CNTNAP2: variants seen among roughly 807,000 people sequenced by gnomAD.
The protein encoded by CNTNAP2 is contactin associated protein 2.
In CNTNAP2, 98 loss-of-function variants were observed where a neutral mutation model predicts 155.2. The observed-to-expected ratio is 0.63, with a 90% CI of 0.54 to 0.75. The LOEUF (loss-of-function observed/expected upper bound fraction) is 0.75. Among genes scored for constraint, CNTNAP2 ranks in the 30% least tolerant of loss-of-function variants. The probability of loss-of-function intolerance (pLI) is 0.00; values close to 1 mark genes in which losing one functional copy is unlikely to be tolerated. For missense variants in CNTNAP2, 1,727 were observed against 1,688.1 expected (o/e 1.02, Z -0.40); for synonymous variants, 651 against 631.2 (o/e 1.03, Z -0.47).
chr7:147,807,746 C>G (rs954389718), intron 13 of CNTNAP2, among the ~76,000 whole-genome samples: 6 of 152,116 alleles, frequency 3.9e-5, no homozygotes, highest in African/African-American at 1.4e-4. Context: ...GGGAATAGAT[C>G]AGGTTTTCTA....
chr7:147,633,753 C>T (rs1795129540), intron 12 of CNTNAP2, among the ~76,000 whole-genome samples: 1 of 152,128 alleles, frequency 6.6e-6, no homozygotes, highest in African/African-American at 2.4e-5. Flanking sequence ...CTCATTCTCT[C>T]TCCCGCCACC....
At chr7:147,462,877 C>G (rs1418454000) in intron 10 of CNTNAP2, among the ~76,000 whole-genome samples, 1 of 152,126 alleles carries the variant, frequency 6.6e-6, no homozygotes, top group Non-Finnish European at 1.5e-5. Flanking sequence ...CTCCCGGGTT[C>G]ACGTGGGATA....
At chr7:148,059,076 T>A (rs998171765) in intron 15 of CNTNAP2, among the ~76,000 whole-genome samples, 1 of 151,900 alleles carries the variant, frequency 6.6e-6, no homozygotes, top group Non-Finnish European at 1.5e-5. Context: ...AGGTCAGGAA[T>A]TCGAGACCAA....
chr7:148,309,408 G>C (rs1035221238), intron 21 of CNTNAP2, among the ~76,000 whole-genome samples: 2 of 152,314 alleles, frequency 1.3e-5, no homozygotes, highest in East Asian at 3.9e-4. Context: ...CAGTCGAGAT[G>C]AAAATTTTCA....
intron 14 of CNTNAP2, among the ~76,000 whole-genome samples, chr7:147,959,614 A>T (rs1801081594): frequency 6.6e-6 from 1 of 152,162 alleles, no homozygotes; most frequent in African/African-American, 2.4e-5. Flanking sequence ...CCGACCTTGA[A>T]TTACATGTAG....
At chr7:146,835,417 C>G (rs1217159746) in intron 2 of CNTNAP2, among the ~76,000 whole-genome samples, 6 of 152,052 alleles carry the variant, frequency 3.9e-5, no homozygotes, top group Non-Finnish European at 8.8e-5. Flanking sequence ...AAAATTTCTT[C>G]AAGGTTTCGA....
At chr7:146,190,979 A>G (rs1019044180) in intron 1 of CNTNAP2, among the ~76,000 whole-genome samples, 14 of 152,212 alleles carry the variant, frequency 9.2e-5, no homozygotes, top group African/African-American at 3.4e-4. Context: ...CTTTAATCAT[A>G]TGAATCTATC....
rs555806999 is a variant in CNTNAP2, at chr7:147,209,989, A to G, written c.1348+77480A>G. Among the ~76,000 whole-genome samples the G allele has an allele frequency of 5.5e-4, 84 of 151,818 alleles. 2 individuals are homozygous for G. The South Asian group carries it at 0.017, about 30-fold the overall frequency. On this transcript the variant is annotated intron_variant, in intron 8 of 23. Coordinates refer to ENST00000361727, the MANE Select transcript of CNTNAP2 (RefSeq NM_014141.6). ...TGTGCTGCTGGAGTCACAAAATACT[A>G]ATTTGCTAGTATTTTCTTAAGGATT... is the stretch of plus-strand genomic sequence containing the variant.
At chr7:146,516,167 T>A (rs993895439) in intron 1 of CNTNAP2, among the ~76,000 whole-genome samples, 4 of 151,948 alleles carry the variant, frequency 2.6e-5, no homozygotes, top group African/African-American at 9.7e-5. Flanking sequence ...ACAAAGCAGT[T>A]TCAAGAGACT....
intron 1 of CNTNAP2, among the ~76,000 whole-genome samples, chr7:146,272,924 A>G (rs929021820): frequency 1.3e-5 from 2 of 152,182 alleles, no homozygotes; most frequent in African/African-American, 2.4e-5. Context: ...GCTAAAATAG[A>G]TGAGACCAAA....
chr7:148,246,974 C>T (rs556860879), intron 20 of CNTNAP2, among the ~76,000 whole-genome samples: 2 of 152,290 alleles, frequency 1.3e-5, no homozygotes, highest in African/African-American at 4.8e-5. Context: ...ATGGATTAGA[C>T]ACAAACCTCT....
At chr7:147,912,360 T>C (rs889670171) in intron 14 of CNTNAP2, among the ~76,000 whole-genome samples, 1 of 152,166 alleles carries the variant, frequency 6.6e-6, no homozygotes, top group Non-Finnish European at 1.5e-5. Flanking sequence ...CCCTCTGTTC[T>C]GACCTCCTTG....
intron 8 of CNTNAP2, among the ~76,000 whole-genome samples, chr7:147,252,000 T>C (rs1388554660): frequency 1.3e-5 from 2 of 152,204 alleles, no homozygotes; most frequent in East Asian, 1.9e-4. Flanking sequence ...TCTTTGGGAA[T>C]ATAGGAAAAA....
intron 16 of CNTNAP2, among the ~76,000 whole-genome samples, chr7:148,120,093 A>G (rs1242577022): frequency 6.6e-6 from 1 of 150,858 alleles, no homozygotes; most frequent in Admixed American, 6.6e-5. Context: ...TGCCAGTTCT[A>G]TATTTGAGTG....
At chr7:148,086,073 G>A (rs1021421587) in intron 15 of CNTNAP2, among the ~76,000 whole-genome samples, 8 of 152,138 alleles carry the variant, frequency 5.3e-5, no homozygotes, top group African/African-American at 1.9e-4. Context: ...ACCTTCAGAT[G>A]TAATACACAG....
chr7:146,376,974 G>T (rs1368038165), intron 1 of CNTNAP2, among the ~76,000 whole-genome samples: 2 of 152,096 alleles, frequency 1.3e-5, no homozygotes, highest in Admixed American at 6.6e-5. Flanking sequence ...AAACCTGCAG[G>T]TTCCTTGATC....
chr7:147,287,024 C>A (rs545129281), intron 8 of CNTNAP2, among the ~76,000 whole-genome samples: 40 of 152,228 alleles, frequency 2.6e-4, no homozygotes, highest in African/African-American at 8.9e-4. Context: ...ACACTTGTTA[C>A]GGCATGGTGA....
intron 14 of CNTNAP2, among the ~76,000 whole-genome samples, chr7:147,929,805 G>T (rs1800464796): frequency 6.6e-6 from 1 of 152,172 alleles, no homozygotes; most frequent in Admixed American, 6.6e-5. Context: ...CAGTTTTATG[G>T]AAGACAATTT....
At chr7:146,322,305 C>T (rs1801018035) in intron 1 of CNTNAP2, among the ~76,000 whole-genome samples, 1 of 152,146 alleles carries the variant, frequency 6.6e-6, no homozygotes, top group Admixed American at 6.6e-5. Flanking sequence ...ATTCCCCTTT[C>T]CAGGTTTTAA....
Sources: gnomAD v4.1 joint callset for allele counts (sites outside exome capture counted in the v4.1 genomes callset) on GRCh38, gnomAD v4.1.1 for gene constraint, MANE v1.5 for transcripts, NCBI Gene and HGNC (gene_info 2026-07-23, HGNC 2026-07-21) for gene names.